The following POLR3A variants were observed in gnomAD, a reference collection of about 807,000 sequenced individuals.
The protein encoded by POLR3A is DNA-directed RNA polymerase III subunit RPC1.
Under a neutral mutation model 152.8 loss-of-function variants are expected in POLR3A, and 112 were observed. That is an observed-to-expected ratio of 0.73 (90% CI 0.63 to 0.86). POLR3A has a LOEUF of 0.86. POLR3A is among the 40% of genes least tolerant of loss of function. The probability of loss-of-function intolerance (pLI) is 0.00; values close to 1 mark genes in which losing one functional copy is unlikely to be tolerated. For missense variants in POLR3A, 1,385 were observed against 1,743.1 expected (o/e 0.79, Z 3.66); for synonymous variants, 615 against 652.1 (o/e 0.94, Z 0.87).
chr10:77,998,346 T>C (rs1298496270), intron 19 of POLR3A, among the ~76,000 whole-genome samples: 7 of 142,832 alleles, frequency 4.9e-5, no homozygotes. Flanking sequence ...CAAAAGAAAC[T>C]ACCATCAGAG....
intron 5 of POLR3A, among the ~76,000 whole-genome samples, chr10:78,023,917 C>T (rs1458123418): frequency 6.6e-6 from 1 of 152,048 alleles, no homozygotes; most frequent in African/African-American, 2.4e-5. Context: ...GTGAGAGGAT[C>T]TCTTGGGCTC....
chr10:78,009,221 C>CG (rs1464374682), intron 14 of POLR3A, among the ~76,000 whole-genome samples: 6 of 151,524 alleles, frequency 4.0e-5, no homozygotes, highest in African/African-American at 1.5e-4. Context: ...TTGCCCCCCC[C>CG]GCCGCCAAAA....
chr10:78,020,460 G>A (rs1287962304), intron 8 of POLR3A, among the ~76,000 whole-genome samples: 4 of 149,458 alleles, frequency 2.7e-5, no homozygotes, highest in South Asian at 2.1e-4. Context: ...ACTGCACTTC[G>A]GCCTGGGTGA....
chr10:77,978,498 G>A (rs561689806), intron 30 of POLR3A, among the ~76,000 whole-genome samples: 1 of 152,226 alleles, frequency 6.6e-6, no homozygotes, highest in South Asian at 2.1e-4. Flanking sequence ...GCAGAGCTGC[G>A]GCAAAGGCCC....
At chr10:78,011,538 G>A (rs567617210) in intron 11 of POLR3A, among the ~76,000 whole-genome samples, 1 of 152,226 alleles carries the variant, frequency 6.6e-6, no homozygotes, top group African/African-American at 2.4e-5. Flanking sequence ...TTACTTCTGA[G>A]CCACTATCCA....
At chr10:77,993,555 T>C (rs1257518730) in intron 19 of POLR3A, among the ~76,000 whole-genome samples, 188 bp from the exon 20 acceptor site, 1 of 152,220 alleles carries the variant, frequency 6.6e-6, no homozygotes, top group East Asian at 1.9e-4. Context: ...TACTAGCCTG[T>C]GCAGTGGGAT....
intron 21 of POLR3A, among the ~76,000 whole-genome samples, chr10:77,988,989 G>A (rs1389347361): frequency 2.6e-5 from 4 of 152,156 alleles, no homozygotes; most frequent in African/African-American, 7.2e-5. Flanking sequence ...ACAATCTGCC[G>A]GCTTAGGCAC....
chr10:77,980,280 C>T lies in POLR3A; in HGVS notation c.3892-7G>A. The T allele has an allele frequency of 1.2e-6, 2 of 1,613,972 alleles. No homozygotes were observed. Among genetic ancestry groups the T allele is most frequent in the Non-Finnish European group, 1.7e-6 (2 of 1,179,932 alleles). On this transcript the variant is annotated splice_region_variant and splice_polypyrimidine_tract_variant and intron_variant, in intron 29 of 30. Transcript: ENST00000372371. The stretch of plus-strand genomic sequence containing the variant: ...TGATGCCCAGGACTTCACCCTGCGT[C>T]AAGGGAGAAAGAGTCACGGTGGTAC...
At chr10:77,987,472 G>A (rs1416869679) in intron 21 of POLR3A, among the ~76,000 whole-genome samples, 4 of 152,060 alleles carry the variant, frequency 2.6e-5, no homozygotes, top group Non-Finnish European at 5.9e-5. Flanking sequence ...TGTGGTGGCC[G>A]AGAAGCCTCA....
chr10:78,005,568 G>C (rs1847403172), intron 15 of POLR3A, among the ~76,000 whole-genome samples: 1 of 152,238 alleles, frequency 6.6e-6, no homozygotes, highest in South Asian at 2.1e-4. Context: ...TAGCAGGATA[G>C]GAAGGTATGA....
chr10:77,975,558 TCACA>T lies in POLR3A; in HGVS notation c.*1916_*1919del, dbSNP rs1847079117. 6.6e-6 allele frequency: 1 copy of T among 152,372 alleles called. No individual in the cohort carries two copies. The highest frequency in any genetic ancestry group is 2.4e-5 in the African/African-American group (1 of 41,452). The allele number at this position is 152,372 out of a possible 1,614,324, so 9.4% of individuals were successfully genotyped here. A position where few individuals can be genotyped will look rare whatever the true frequency, so the allele number is the denominator to read the frequency against. On this transcript the variant is annotated 3_prime_UTR_variant, in exon 31 of 31. Coordinates refer to ENST00000372371, the MANE Select transcript of POLR3A (RefSeq NM_007055.4). ...CGCACCCATCACAATCACACACGTC[TCACA>T]CAGACTCCAGACCCTGCAGCGCCCA...
chr10:77,984,284 G>A lies in POLR3A; in HGVS notation c.3257C>T (p.Thr1086Ile). The change falls in exon 25 of 31, where the codon ACA (threonine) becomes ATA (isoleucine). Residue 1086 changes from threonine (T) to isoleucine (I), a missense_variant. Physicochemically the swap from Thr to Ile is moderately conservative, Grantham distance 89 (BLOSUM62 -1). This residue lies in a region of POLR3A where 332 missense variants were observed against 400.1 expected (regional missense o/e 0.83). Transcript: ENST00000372371. ...ASKAISTPII[T>I]AQLDKDDDAD... ...GTCGTCATCCTTGTCTAGCTGTGCT[G>A]TGATAATTGGAGTGCTGTTGAGAAG... is the stretch of plus-strand genomic sequence containing the variant. 6.2e-7 allele frequency: 1 copy of A among 1,610,896 alleles called. No homozygotes were observed. The highest frequency in any genetic ancestry group is 8.5e-7 in the Non-Finnish European group (1 of 1,177,198).
At position 78,024,968 on chromosome 10, in the gene POLR3A, C is replaced by T; in HGVS notation, c.490+3G>A. ...TGCTTAGCCTTCTGTGCATTCCACT[C>T]ACCATTAAAAGCGCCACAGTGATGG... On this transcript the variant is annotated splice_donor_region_variant and intron_variant, in intron 4 of 30. Transcript: ENST00000372371. 4 of 1,614,126 alleles carry T rather than the reference C, an allele frequency of 2.5e-6. No homozygotes were observed. The African/African-American group carries it at 5.3e-5, about 22-fold the overall frequency.
At position 77,981,868 on chromosome 10, in the gene POLR3A, C is replaced by CA. The variant is rs60259976; in HGVS notation, c.3759+285dup. 0.31 allele frequency among the ~76,000 whole-genome samples: 19,469 copies of CA among 63,802 alleles called. 2,372 individuals carry two copies. The highest frequency in any genetic ancestry group is 0.42 in the East Asian group (1,054 of 2,498). The allele number at this position is 63,802 out of a possible 152,430, so 41.9% of individuals were successfully genotyped here. On this transcript the variant is annotated intron_variant, in intron 28 of 30. Transcript: ENST00000372371. ...TGAAACCCCATTTCTACTAAAAATACAAAAAAAAAAAAAAAAAAAAATTAG... is the reference window on the plus strand; with the variant it reads ...TGAAACCCCATTTCTACTAAAAATACAAAAAAAAAAAAAAAAAAAAAATTAG...
chr10:78,023,821 A>T (rs1847603686), intron 5 of POLR3A, among the ~76,000 whole-genome samples: 1 of 150,378 alleles, frequency 6.6e-6, no homozygotes, highest in South Asian at 2.1e-4. Context: ...AAATAATAAT[A>T]AAAAAAAAGA....
intron 5 of POLR3A, among the ~76,000 whole-genome samples, chr10:78,023,383 G>A (rs1031765635): frequency 3.9e-5 from 6 of 151,912 alleles, no homozygotes; most frequent in African/African-American, 1.2e-4. Context: ...TCACTTGAAC[G>A]TGGGAGGTGG....
intron 20 of POLR3A, 43 bp downstream of exon 20, chr10:77,993,153 AT>A (rs1847265847): frequency 2.7e-6 from 4 of 1,483,994 alleles, no homozygotes; most frequent in Non-Finnish European, 3.8e-6. Context: ...CTAAAGAAAC[AT>A]CCTTAAAAAC....
At position 78,024,954 on chromosome 10, in the gene POLR3A, C is replaced by T; in HGVS notation, c.490+17G>A. The T allele has an allele frequency of 1.2e-6, 2 of 1,613,506 alleles. No homozygotes were observed. Among genetic ancestry groups the T allele is most frequent in the South Asian group, 2.2e-5 (2 of 91,066 alleles). ...GTGAAAAGGGCTATTGCTTAGCCTT[C>T]TGTGCATTCCACTCACCATTAAAAG... On this transcript the variant is annotated intron_variant, in intron 4 of 30. Transcript: ENST00000372371.
intron 1 of POLR3A, among the ~76,000 whole-genome samples, chr10:78,028,586 C>G (rs1408164547): frequency 6.6e-6 from 1 of 151,998 alleles, no homozygotes; most frequent in African/African-American, 2.4e-5. Context: ...CCACTGCAAC[C>G]TCTGCCTCCC....
Sources: allele counts gnomAD v4.1 joint callset (sites outside exome capture counted in the v4.1 genomes callset), GRCh38; gene constraint gnomAD v4.1.1; regional missense constraint gnomAD v4.1.1; transcripts MANE v1.5; gene names NCBI Gene and HGNC (gene_info 2026-07-23, HGNC 2026-07-21).